Variants in SEMA5B observed in about 807,000 individuals in gnomAD.
The protein encoded by SEMA5B is semaphorin-5B.
A neutral mutation model predicts 135.0 loss-of-function variants in SEMA5B; 66 were observed. The observed-to-expected ratio is 0.49, with a 90% CI of 0.40 to 0.60. The LOEUF (loss-of-function observed/expected upper bound fraction) is 0.60, where lower values mean the gene tolerates loss of function less well. Ranked by LOEUF, SEMA5B falls within the 20% of genes least tolerant of loss-of-function variation. The pLI, the probability that SEMA5B is intolerant of heterozygous loss-of-function variation, is 0.00. For synonymous variants in SEMA5B, 690 were observed against 639.5 expected (o/e 1.08, Z -1.19); for missense variants, 1,501 against 1,566.3 (o/e 0.96, Z 0.70).
intron 1 of SEMA5B, among the ~76,000 whole-genome samples, chr3:122,967,912 G>A (rs1037440343): frequency 3.3e-5 from 5 of 152,198 alleles, no homozygotes; most frequent in Non-Finnish European, 5.9e-5. Flanking sequence ...TTGGCCCAGG[G>A]CTCTGCCCTC....
intron 1 of SEMA5B, among the ~76,000 whole-genome samples, chr3:122,972,691 A>C (rs1941170894): frequency 1.3e-5 from 2 of 152,202 alleles, no homozygotes; most frequent in Admixed American, 1.3e-4. Context: ...GGTGACCAGC[A>C]GAAAGGTAGT....
chr3:122,987,976 A>G (rs1941753097), intron 1 of SEMA5B, among the ~76,000 whole-genome samples: 1 of 152,138 alleles, frequency 6.6e-6, no homozygotes, highest in South Asian at 2.1e-4. Flanking sequence ...GAGACCAGCC[A>G]TAGAAGGAAG....
intron 2 of SEMA5B, among the ~76,000 whole-genome samples, chr3:122,956,466 T>C (rs1173910257): frequency 2.0e-5 from 3 of 151,480 alleles, no homozygotes; most frequent in Non-Finnish European, 4.4e-5. Flanking sequence ...AATTGGCGAG[T>C]GACAGTGAAG....
At chr3:122,915,373 C>G in intron 14 of SEMA5B, 67 bp downstream of exon 14, 1 of 1,494,928 alleles carries the variant, frequency 6.7e-7, no homozygotes, top group South Asian at 1.3e-5. Flanking sequence ...AGTGAGGGGT[C>G]CCCGTTTCCC....
At chr3:122,949,870 C>T (rs1939967848) in intron 2 of SEMA5B, among the ~76,000 whole-genome samples, 1 of 152,288 alleles carries the variant, frequency 6.6e-6, no homozygotes, top group Non-Finnish European at 1.5e-5. Context: ...CACGACCTAA[C>T]CAATCAGTAC....
At chr3:123,017,387 CA>C (rs2107815723) in intron 1 of SEMA5B, among the ~76,000 whole-genome samples, 1 of 151,808 alleles carries the variant, frequency 6.6e-6, no homozygotes, top group African/African-American at 2.4e-5. Context: ...GGAACTTATA[CA>C]AAACTCACAA....
intron 1 of SEMA5B, among the ~76,000 whole-genome samples, chr3:123,017,847 G>A (rs1228390446): frequency 1.3e-5 from 2 of 151,834 alleles, no homozygotes; most frequent in Admixed American, 1.3e-4. Context: ...GGCAGAGGTT[G>A]CAGTGAGCCA....
Position 122,912,083 on chromosome 3 carries a change from G to T in SEMA5B, c.2897-14C>A. On this transcript the variant is annotated splice_polypyrimidine_tract_variant and intron_variant, in intron 19 of 22. Coordinates refer to ENST00000357599, the MANE Select transcript of SEMA5B (RefSeq NM_001031702.4). ...GCGACCAGCCTTCTGGGGATTGTGG[G>T]TAGGATGAGGTTAACTGCCCAGGGA... is the stretch of plus-strand genomic sequence containing the variant. The T allele has an allele frequency of 6.2e-7, 1 of 1,603,630 alleles. No homozygotes were observed. Among genetic ancestry groups the T allele is most frequent in the South Asian group, 1.1e-5 (1 of 90,536 alleles).
chr3:122,960,973 TTA>T (rs1002799577), intron 2 of SEMA5B, among the ~76,000 whole-genome samples, 165 bp downstream of exon 2: 2 of 152,172 alleles, frequency 1.3e-5, no homozygotes, highest in African/African-American at 2.4e-5. Flanking sequence ...CAATTTCATG[TTA>T]TATATATGTT....
In SEMA5B at chr3:122,996,985, C is replaced by T. The variant is rs58738223; in HGVS notation, c.-39+30479G>A. ...GGGTTCTTTACTTGCCATTCCCACA[C>T]GCTGTCCTGTGTCCACACCCCAGGG... On this transcript the variant is annotated intron_variant, in intron 1 of 22. Coordinates refer to ENST00000357599, the MANE Select transcript of SEMA5B (RefSeq NM_001031702.4). Among the ~76,000 whole-genome samples, 904 of 152,338 alleles carry T rather than the reference C, an allele frequency of 5.9e-3. 8 individuals are homozygous for T. Among genetic ancestry groups the T allele is most frequent in the African/African-American group, 0.02 (831 of 41,578 alleles).
chr3:122,952,159 G>C (rs1314118484), intron 2 of SEMA5B, among the ~76,000 whole-genome samples: 2 of 152,212 alleles, frequency 1.3e-5, no homozygotes, highest in African/African-American at 2.4e-5. Context: ...TCTTAGCAGA[G>C]ACCCTCTGGG....
intron 1 of SEMA5B, among the ~76,000 whole-genome samples, chr3:123,000,789 A>G (rs756156094): frequency 6.6e-6 from 1 of 152,168 alleles, no homozygotes; most frequent in Non-Finnish European, 1.5e-5. Flanking sequence ...GTGAGCTGCA[A>G]GGATTTAGCA....
chr3:122,999,258 C>T (rs1477514793), intron 1 of SEMA5B, among the ~76,000 whole-genome samples: 1 of 152,136 alleles, frequency 6.6e-6, no homozygotes, highest in African/African-American at 2.4e-5. Context: ...TGGAGTCTCA[C>T]TCTTGTCGCC....
At chr3:122,997,840 G>GC (rs2107744035) in intron 1 of SEMA5B, among the ~76,000 whole-genome samples, 1 of 152,194 alleles carries the variant, frequency 6.6e-6, no homozygotes. Context: ...CCCTGCCCCT[G>GC]CCCCACACCA....
At chr3:122,962,306 G>A (rs950214720) in intron 1 of SEMA5B, among the ~76,000 whole-genome samples, 19 of 152,334 alleles carry the variant, frequency 1.2e-4, no homozygotes, top group African/African-American at 4.6e-4. Context: ...AGAAGGAGTA[G>A]CAGCCAGCAA....
At chr3:122,950,876 T>C (rs904566391) in intron 2 of SEMA5B, among the ~76,000 whole-genome samples, 4 of 152,256 alleles carry the variant, frequency 2.6e-5, no homozygotes, top group Non-Finnish European at 5.9e-5. Context: ...ACCTAGGGTG[T>C]ATCTTCACAA....
chr3:122,946,108 C>T (rs2107542000), intron 3 of SEMA5B, among the ~76,000 whole-genome samples: 1 of 152,348 alleles, frequency 6.6e-6, no homozygotes, highest in African/African-American at 2.4e-5. Context: ...AAAAGACATT[C>T]TCCATGACAC....
intron 1 of SEMA5B, among the ~76,000 whole-genome samples, chr3:123,003,813 G>A (rs973581421): frequency 6.7e-6 from 1 of 149,384 alleles, no homozygotes; most frequent in African/African-American, 2.5e-5. Context: ...CAGCCTGGGC[G>A]ACAGAGCGAG....
chr3:122,930,169 G>A (rs1029835862), intron 5 of SEMA5B, among the ~76,000 whole-genome samples: 1 of 152,246 alleles, frequency 6.6e-6, no homozygotes, highest in Non-Finnish European at 1.5e-5. Flanking sequence ...AGGCCGCAGT[G>A]TGGGAGGGGA....
Sources: gnomAD v4.1 joint callset for allele counts (sites outside exome capture counted in the v4.1 genomes callset) on GRCh38, gnomAD v4.1.1 for gene constraint, MANE v1.5 for transcripts, NCBI Gene and HGNC (gene_info 2026-07-23, HGNC 2026-07-21) for gene names.